Variants in B3GALNT1 observed in about 807,000 individuals in gnomAD.
B3GALNT1 encodes beta-1,3-N-acetylgalactosaminyltransferase 1 (Globoside blood group).
Under a neutral mutation model 27.3 loss-of-function variants are expected in B3GALNT1, and 17 were observed. The ratio of observed to expected loss-of-function variants is 0.62; its 90% CI spans 0.43 to 0.94. The LOEUF is 0.94. Ranked by LOEUF, B3GALNT1 falls within the 40% of genes least tolerant of loss-of-function variation. The pLI is 0.00. For missense variants in B3GALNT1, 347 were observed against 390.0 expected (o/e 0.89, Z 0.93); for synonymous variants, 141 against 144.0 (o/e 0.98, Z 0.15).
chr3:161,094,025 C>T (rs1726776572), intron 4 of B3GALNT1, among the ~76,000 whole-genome samples: 1 of 152,092 alleles, frequency 6.6e-6, no homozygotes, highest in African/African-American at 2.4e-5. Flanking sequence ...AAAAACATCT[C>T]AAATACTAGA....
chr3:161,087,766 C>A (rs992260415), intron 4 of B3GALNT1, among the ~76,000 whole-genome samples: 1 of 152,162 alleles, frequency 6.6e-6, no homozygotes. Flanking sequence ...GCACCATGAG[C>A]ATAGACTTCA....
chr3:161,093,460 G>A (rs966927771), intron 4 of B3GALNT1, among the ~76,000 whole-genome samples: 2 of 152,152 alleles, frequency 1.3e-5, no homozygotes, highest in Non-Finnish European at 2.9e-5. Flanking sequence ...GATAGTGAGA[G>A]CACAGGGCAG....
Position 161,084,536 on chromosome 3 carries a change from CA to C in B3GALNT1, c.*1222del, listed in dbSNP as rs1157222711. The C allele has an allele frequency of 6.6e-6, 1 of 152,174 alleles. No homozygotes were observed. The highest frequency in any genetic ancestry group is 1.9e-4 in the East Asian group (1 of 5,194). The allele number at this position is 152,174 out of a possible 1,614,324, so 9.4% of individuals were successfully genotyped here. A position where few individuals can be genotyped will look rare whatever the true frequency, so the allele number is the denominator to read the frequency against. On this transcript the variant is annotated 3_prime_UTR_variant, in exon 5 of 5. Coordinates refer to ENST00000320474, the MANE Select transcript of B3GALNT1 (RefSeq NM_003781.4). ...AAAGAAAACTGCATAAACCCAGGAA[CA>C]GGGGGCAAGGAGTGCTCCCCTTTGA...
chr3:161,095,615 AG>A (rs1357289590), intron 4 of B3GALNT1, among the ~76,000 whole-genome samples: 2 of 152,284 alleles, frequency 1.3e-5, no homozygotes, highest in African/African-American at 2.4e-5. Flanking sequence ...GACCCCTGTA[AG>A]GAAGAGTGGA....
intron 4 of B3GALNT1, among the ~76,000 whole-genome samples, chr3:161,091,369 T>A (rs1036684909): frequency 6.6e-6 from 1 of 152,190 alleles, no homozygotes; most frequent in Non-Finnish European, 1.5e-5. Flanking sequence ...GTTTCAGTTA[T>A]CCACAGTCAA....
In B3GALNT1 at chr3:161,095,484, T is replaced by C. The variant is rs77468090; in HGVS notation, c.-35+5655A>G. ...ATAACCTGTCTTTGTAAGTTTATACTTGGCTTTGAGTTGCTATTGTTTGTA... is the reference window on the plus strand; with the variant it reads ...ATAACCTGTCTTTGTAAGTTTATACCTGGCTTTGAGTTGCTATTGTTTGTA... On this transcript the variant is annotated intron_variant, in intron 4 of 4. Coordinates refer to ENST00000320474, the MANE Select transcript of B3GALNT1 (RefSeq NM_003781.4). 1.1e-4 allele frequency among the ~76,000 whole-genome samples: 17 copies of C among 152,370 alleles called. No individual in the cohort carries two copies. In the East Asian group the frequency reaches 3.3e-3, roughly 29 times the overall value.
intron 4 of B3GALNT1, among the ~76,000 whole-genome samples, chr3:161,099,561 T>C (rs1730071273): frequency 6.6e-6 from 1 of 152,226 alleles, no homozygotes; most frequent in Non-Finnish European, 1.5e-5. Flanking sequence ...ATTCTAGTTC[T>C]GGCAGGGAGG....
Position 161,102,531 on chromosome 3 carries a change from T to C in B3GALNT1, c.-130+896A>G, listed in dbSNP as rs62278026. Among the ~76,000 whole-genome samples the C allele has an allele frequency of 9.7e-3, 1,481 of 152,300 alleles. 11 individuals carry two copies. The highest frequency in any genetic ancestry group is 0.016 in the Non-Finnish European group (1,066 of 68,036). On this transcript the variant is annotated intron_variant, in intron 3 of 4. Transcript: ENST00000320474. ...ATTCACAATATGCCAAAAGGACTGG[T>C]AACAAAAGCAAATCAGTATTTATAA...
chr3:161,091,781 G>T (rs1048031485), intron 4 of B3GALNT1, among the ~76,000 whole-genome samples: 1 of 152,186 alleles, frequency 6.6e-6, no homozygotes, highest in African/African-American at 2.4e-5. Flanking sequence ...ATGTTTGGGG[G>T]ACAGGCTGTT....
rs1023536445 is a variant in B3GALNT1, at chr3:161,083,935, A to G, written c.*1824T>C. On this transcript the variant is annotated 3_prime_UTR_variant, in exon 5 of 5. Coordinates refer to ENST00000320474, the MANE Select transcript of B3GALNT1 (RefSeq NM_003781.4). ...GTCATTTATTGTCATTATCAGTATT[A>G]CATACTGTACATAACTGAATGTGCT... The G allele has an allele frequency of 5.3e-5, 8 of 152,248 alleles. No individual in the cohort carries two copies. The highest frequency in any genetic ancestry group is 1.9e-4 in the African/African-American group (8 of 41,466). The allele number at this position is 152,248 out of a possible 1,614,324, so 9.4% of individuals were successfully genotyped here. A position where few individuals can be genotyped will look rare whatever the true frequency, so the allele number is the denominator to read the frequency against.
chr3:161,102,974 G>A (rs1732187231), intron 3 of B3GALNT1: 1 of 152,228 alleles, frequency 6.6e-6, no homozygotes, highest in African/African-American at 2.4e-5. Flanking sequence ...AGGGAATTGA[G>A]TCAGAACTTG....
chr3:161,101,411 C>A (rs1300224740), intron 3 of B3GALNT1, among the ~76,000 whole-genome samples, 178 bp from the exon 4 acceptor site: 1 of 152,174 alleles, frequency 6.6e-6, no homozygotes, highest in Non-Finnish European at 1.5e-5. Context: ...TATTACAGCT[C>A]TTTACTATTC....
intron 4 of B3GALNT1, among the ~76,000 whole-genome samples, chr3:161,097,513 A>G (rs986430617): frequency 2.6e-5 from 4 of 152,106 alleles, no homozygotes; most frequent in African/African-American, 9.7e-5. Flanking sequence ...CTAGAGTCCA[A>G]GGTTTCTGTT....
intron 4 of B3GALNT1, among the ~76,000 whole-genome samples, chr3:161,096,849 A>G (rs1223832302): frequency 6.6e-6 from 1 of 152,202 alleles, no homozygotes; most frequent in African/African-American, 2.4e-5. Flanking sequence ...GGAGAACTTG[A>G]AAAATACTGG....
intron 4 of B3GALNT1, among the ~76,000 whole-genome samples, chr3:161,096,726 C>T (rs1231331462): frequency 6.6e-5 from 10 of 152,156 alleles, no homozygotes; most frequent in Admixed American, 6.5e-4. Flanking sequence ...GTGTTTGAGG[C>T]CCTCCCCTGA....
chr3:161,100,322 TAGTTGTCACACA>T (rs1730549732), intron 4 of B3GALNT1, among the ~76,000 whole-genome samples: 1 of 152,196 alleles, frequency 6.6e-6, no homozygotes, highest in South Asian at 2.1e-4. Context: ...CCACTCTCTG[TAGTTGTCACACA>T]GTTTTAGGTA....
At chr3:161,099,208 A>T (rs563243263) in intron 4 of B3GALNT1, among the ~76,000 whole-genome samples, 1 of 152,336 alleles carries the variant, frequency 6.6e-6, no homozygotes, top group South Asian at 2.1e-4. Flanking sequence ...GGGGAAAAAA[A>T]TCACAGGCCT....
At chr3:161,097,659 T>C (rs35273621) in intron 4 of B3GALNT1, among the ~76,000 whole-genome samples, 113 of 152,324 alleles carry the variant, frequency 7.4e-4, no homozygotes, top group Non-Finnish European at 1.3e-3. Context: ...TCTCCTGGGA[T>C]CCTTCTTTCT....
rs1722232277 is a variant in B3GALNT1 at position 161,086,730 on chromosome 3, G to A, written c.25C>T (p.Leu9Phe). 1 of 1,613,950 alleles carries A rather than the reference G, an allele frequency of 6.2e-7. No homozygotes were observed. Among genetic ancestry groups the A allele is most frequent in the South Asian group, 1.1e-5 (1 of 91,082 alleles). Reference protein sequence around the residue: MASALWTVLPSRMSLRSLK... With the variant: MASALWTVFPSRMSLRSLK... The stretch of plus-strand genomic sequence containing the variant: ...GATCTCAGTGACATCCTACTCGGAA[G>A]GACAGTCCAGAGAGCCGAGGCCATC... The change falls in exon 5 of 5, where the codon CTT (leucine) becomes TTT (phenylalanine). Residue 9 changes from leucine (L) to phenylalanine (F), a missense_variant. Leu to Phe is a conservative substitution (Grantham distance 22, BLOSUM62 0). Coordinates refer to ENST00000320474, the MANE Select transcript of B3GALNT1 (RefSeq NM_003781.4).
Sources: allele counts gnomAD v4.1 joint callset (sites outside exome capture counted in the v4.1 genomes callset), GRCh38; gene constraint gnomAD v4.1.1; transcripts MANE v1.5; gene names NCBI Gene and HGNC (gene_info 2026-07-23, HGNC 2026-07-21).